MPP1: variants seen among roughly 807,000 people sequenced by gnomAD.
The protein encoded by MPP1 is MAGUK p55 scaffold protein 1.
A neutral mutation model predicts 38.2 loss-of-function variants in MPP1; 6 were observed. That is an observed-to-expected ratio of 0.16 (90% CI 0.09 to 0.31). The LOEUF is 0.31. Ranked by LOEUF, MPP1 falls within the 10% of genes least tolerant of loss-of-function variation. The pLI, the probability that MPP1 is intolerant of heterozygous loss-of-function variation, is 1.00. For missense variants in MPP1, 293 were observed against 368.9 expected, an observed-to-expected ratio of 0.79 and a Z score of 1.69; for synonymous variants, 153 against 146.3, an observed-to-expected ratio of 1.05 and a Z score of -0.33.
rs782679886 is a variant in MPP1, at chrX:154,788,958, G to A, written c.480+996C>T. Among the ~76,000 whole-genome samples, 7 of 111,741 alleles carry A rather than the reference G, an allele frequency of 6.3e-5. No homozygotes were observed. In the South Asian group the frequency reaches 2.6e-3, roughly 42 times the overall value. On this transcript the variant is annotated intron_variant, in intron 5 of 11. Coordinates refer to ENST00000369534, the MANE Select transcript of MPP1 (RefSeq NM_002436.4). ...AAGAATTCATACTGTATAATTCAAC[G>A]TTAATACATTTCAAAAGGGGGCAAA...
At chrX:154,802,671 C>T (rs1371465961) in intron 1 of MPP1, among the ~76,000 whole-genome samples, 1 of 110,756 alleles carries the variant, frequency 9.0e-6, no homozygotes, top group Non-Finnish European at 1.9e-5. Flanking sequence ...CCTGCCTAGA[C>T]CACATTGAAA....
rs1557267030 is a variant in MPP1 at position 154,784,925 on chromosome X, C to G, written c.784+126G>C. On this transcript the variant is annotated intron_variant, in intron 7 of 11. Coordinates refer to ENST00000369534, the MANE Select transcript of MPP1 (RefSeq NM_002436.4). The stretch of plus-strand genomic sequence containing the variant: ...AATAAAAAGAAACCAGAAGAAATGA[C>G]ATGCTTTCTGTAGAATGCGCCTTCT... The G allele has an allele frequency of 5.0e-6, 3 of 597,354 alleles. No individual in the cohort carries two copies. The Admixed American group carries it at 7.9e-5, about 16-fold the overall frequency. The allele number at this position is 597,354 out of a possible 1,213,427, so 49.2% of individuals were successfully genotyped here.
At chrX:154,781,054 G>C (rs1343954350) in intron 11 of MPP1, among the ~76,000 whole-genome samples, 185 bp downstream of exon 11, 2 of 111,768 alleles carry the variant, frequency 1.8e-5, no homozygotes, top group African/African-American at 6.5e-5. Context: ...CATGGGCACT[G>C]GCCTAGCTAG....
In MPP1 at chrX:154,779,165, C is replaced by T. The variant is rs781870760; in HGVS notation, c.*12G>A. The T allele has an allele frequency of 1.2e-5, 15 of 1,200,770 alleles. No homozygotes were observed. In the Admixed American group the frequency reaches 1.3e-4, roughly 11 times the overall value. ...GAGAGGGGCATACAGTGGGTTCCCC[C>T]ATTCTACAAGCTTAGTAAACCCAGG... is the stretch of plus-strand genomic sequence containing the variant. On this transcript the variant is annotated 3_prime_UTR_variant, in exon 12 of 12. Coordinates refer to ENST00000369534, the MANE Select transcript of MPP1 (RefSeq NM_002436.4).
intron 1 of MPP1, among the ~76,000 whole-genome samples, chrX:154,795,977 G>T (rs1315753100): frequency 9.0e-6 from 1 of 111,108 alleles, no homozygotes; most frequent in Admixed American, 9.5e-5. Context: ...CAAAGTGATT[G>T]GGACTCAGGT....
chrX:154,781,846 C>G, intron 9 of MPP1, 44 bp from the exon 10 acceptor site: 1 of 1,150,456 alleles, frequency 8.7e-7, no homozygotes, highest in Non-Finnish European at 1.2e-6. Context: ...CAGGTCCTCA[C>G]CCTTTCATGA....
At chrX:154,784,194 G>A (rs1474155090) in intron 7 of MPP1, 86 bp from the exon 8 acceptor site, 7 of 736,257 alleles carry the variant, frequency 9.5e-6, no homozygotes, top group South Asian at 2.3e-5. Context: ...ACAGCCTCGC[G>A]ACATCTCAAC....
In MPP1 at chrX:154,792,459, T is replaced by C. The variant is rs1367676451; in HGVS notation, c.103-174A>G. On this transcript the variant is annotated intron_variant, in intron 1 of 11. Transcript: ENST00000369534. ...TGTAAGCTTTATTTCTCCAACTTAA[T>C]AGACATGTCAGCCAAGTGTGGTGGT... is the stretch of plus-strand genomic sequence containing the variant. 2.1e-5 allele frequency: 11 copies of C among 533,208 alleles called. No individual in the cohort carries two copies. In the South Asian group the frequency reaches 2.1e-4, roughly 10 times the overall value. The allele number at this position is 533,208 out of a possible 1,213,427, so 43.9% of individuals were successfully genotyped here.
chrX:154,789,663 C>G (rs1052969241), intron 5 of MPP1, among the ~76,000 whole-genome samples: 15 of 111,204 alleles, frequency 1.3e-4, no homozygotes, highest in African/African-American at 4.9e-4. Flanking sequence ...GATTCCTTAC[C>G]ATCTGTAGAA....
intron 5 of MPP1, among the ~76,000 whole-genome samples, chrX:154,786,633 C>T (rs782372572): frequency 9.0e-6 from 1 of 111,080 alleles, no homozygotes; most frequent in African/African-American, 3.3e-5. Context: ...CAGTGGCTCA[C>T]GCCTGTAATC....
At chrX:154,796,121 T>TTTCTA (rs2072194474) in intron 1 of MPP1, among the ~76,000 whole-genome samples, 1 of 108,412 alleles carries the variant, frequency 9.2e-6, no homozygotes, top group Non-Finnish European at 1.9e-5. Flanking sequence ...TTTTTTTCCT[T>TTTCTA]TTCTTTTCTT....
chrX:154,802,175 C>T (rs892701991), intron 1 of MPP1, among the ~76,000 whole-genome samples: 1 of 112,520 alleles, frequency 8.9e-6, no homozygotes, highest in Non-Finnish European at 1.9e-5. Context: ...CTAGGTACTG[C>T]GAAATGCAAG....
At chrX:154,786,801 C>G (rs1421225750) in intron 5 of MPP1, among the ~76,000 whole-genome samples, 1 of 92,555 alleles carries the variant, frequency 1.1e-5, no homozygotes, top group Non-Finnish European at 2.0e-5. Context: ...GAGGCTGAGG[C>G]GGGAGAATCG....
chrX:154,795,592 T>A (rs1251145029), intron 1 of MPP1, among the ~76,000 whole-genome samples: 1 of 110,338 alleles, frequency 9.1e-6, no homozygotes, highest in Non-Finnish European at 1.9e-5. Context: ...TAGTAAAACC[T>A]CGTCTCTACA....
At chrX:154,781,891 G>T in intron 9 of MPP1, 89 bp from the exon 10 acceptor site, 1 of 930,335 alleles carries the variant, frequency 1.1e-6, no homozygotes, top group Non-Finnish European at 1.5e-6. Flanking sequence ...GGAAACCCTA[G>T]CTGCCTTTGG....
At chrX:154,786,957 C>T (rs138358116) in intron 5 of MPP1, among the ~76,000 whole-genome samples, 1 of 107,613 alleles carries the variant, frequency 9.3e-6, no homozygotes, top group African/African-American at 3.4e-5. Flanking sequence ...TCAACGTGTC[C>T]ACAGTTACTG....
chrX:154,787,828 T>C (rs781829351), intron 5 of MPP1, among the ~76,000 whole-genome samples: 4 of 112,497 alleles, frequency 3.6e-5, no homozygotes, highest in Non-Finnish European at 7.5e-5. Flanking sequence ...TCACTTCCAC[T>C]GGGATACTGT....
At chrX:154,791,257 T>C in intron 3 of MPP1, 189 bp from the exon 4 acceptor site, 1 of 431,512 alleles carries the variant, frequency 2.3e-6, no homozygotes, top group Non-Finnish European at 4.0e-6. Context: ...TTGGCCTCAG[T>C]AGTCCAACAG....
chrX:154,781,222 GCACAA>G lies in MPP1; in HGVS notation c.1224+12_1224+16del. ...CCGGAGAAAGTGAACTACCCATCGC[GCACAA>G]CCTCTCCTCACCTGAGTGCCCTGGT... is the stretch of plus-strand genomic sequence containing the variant. On this transcript the variant is annotated intron_variant, in intron 11 of 11. Transcript: ENST00000369534. 1 of 1,193,440 alleles carries G rather than the reference GCACAA, an allele frequency of 8.4e-7. No individual in the cohort carries two copies. Among genetic ancestry groups the G allele is most frequent in the Non-Finnish European group, 1.1e-6 (1 of 882,822 alleles).
Sources: gnomAD v4.1 joint callset for allele counts (sites outside exome capture counted in the v4.1 genomes callset) on GRCh38, gnomAD v4.1.1 for gene constraint, MANE v1.5 for transcripts, NCBI Gene and HGNC (gene_info 2026-07-23, HGNC 2026-07-21) for gene names.